The following CCNY variants were observed in gnomAD, a reference collection of about 807,000 sequenced individuals.
CCNY encodes cyclin Y.
CCNY carries 19 observed loss-of-function variants against 42.8 expected under a neutral mutation model. The observed-to-expected ratio is 0.44, with a 90% confidence interval of 0.31 to 0.65. The LOEUF is 0.65. CCNY is among the 30% of genes least tolerant of loss of function. The pLI, the probability that CCNY is intolerant of heterozygous loss-of-function variation, is 0.07. For missense variants in CCNY, 370 were observed against 437.3 expected (o/e 0.85, Z 1.37); for synonymous variants, 165 against 162.7 (o/e 1.01, Z -0.11).
chr10:35,411,377 G>A (rs1326965079), intron 1 of CCNY, among the ~76,000 whole-genome samples: 1 of 152,030 alleles, frequency 6.6e-6, no homozygotes, highest in Non-Finnish European at 1.5e-5. Context: ...GCCAGGCATA[G>A]TGGCGCGTGC....
At chr10:35,490,550 C>T (rs761010170) in intron 2 of CCNY, among the ~76,000 whole-genome samples, 4 of 152,328 alleles carry the variant, frequency 2.6e-5, no homozygotes, top group South Asian at 2.1e-4. Flanking sequence ...CTGCTGCCCT[C>T]GCTGCTCCCC....
intron 1 of CCNY, among the ~76,000 whole-genome samples, chr10:35,477,119 A>G (rs1774352022): frequency 6.6e-6 from 1 of 152,138 alleles, no homozygotes; most frequent in Non-Finnish European, 1.5e-5. Flanking sequence ...GACCAATAAC[A>G]GGATCTGAAA....
intron 1 of CCNY, among the ~76,000 whole-genome samples, chr10:35,342,680 C>G (rs1347056716): frequency 2.0e-5 from 3 of 152,204 alleles, no homozygotes; most frequent in Non-Finnish European, 4.4e-5. Context: ...AACAACCGTG[C>G]TAATTACTTG....
intron 2 of CCNY, among the ~76,000 whole-genome samples, chr10:35,490,578 C>G (rs1168703678): frequency 6.6e-6 from 1 of 152,198 alleles, no homozygotes; most frequent in Non-Finnish European, 1.5e-5. Flanking sequence ...GCTTGGGGGT[C>G]TAACGCCTGA....
intron 1 of CCNY, among the ~76,000 whole-genome samples, chr10:35,453,766 G>T (rs1047529798): frequency 2.0e-5 from 3 of 152,026 alleles, no homozygotes; most frequent in Non-Finnish European, 4.4e-5. Context: ...AAATAGCTGG[G>T]CAATATTTCT....
chr10:35,362,801 C>T (rs1836715819), intron 1 of CCNY, among the ~76,000 whole-genome samples: 1 of 150,584 alleles, frequency 6.6e-6, no homozygotes, highest in Admixed American at 6.6e-5. Flanking sequence ...GCCAGAGGCG[C>T]TCCTCACTCC....
intron 1 of CCNY, among the ~76,000 whole-genome samples, chr10:35,340,512 T>C (rs1266647355): frequency 6.6e-6 from 1 of 151,444 alleles, no homozygotes; most frequent in East Asian, 1.9e-4. Flanking sequence ...TTCTTTTTTT[T>C]TTTTTTTTTT....
At chr10:35,495,350 G>A (rs1456708981) in intron 2 of CCNY, among the ~76,000 whole-genome samples, 1 of 152,126 alleles carries the variant, frequency 6.6e-6, no homozygotes, top group East Asian at 1.9e-4. Flanking sequence ...AAATCCTTTG[G>A]CCTTAGATAT....
chr10:35,357,149 A>T (rs1410752266), intron 1 of CCNY, among the ~76,000 whole-genome samples: 2 of 152,066 alleles, frequency 1.3e-5, no homozygotes, highest in Non-Finnish European at 2.9e-5. Flanking sequence ...CTAAGAACAT[A>T]ATCCAGAGAG....
intron 3 of CCNY, 190 bp downstream of exon 3, chr10:35,501,725 A>AT (rs1840114081): frequency 1.8e-6 from 1 of 543,418 alleles, no homozygotes; most frequent in Non-Finnish European, 3.3e-6. Context: ...TGTCCCAAAT[A>AT]TTTTTCCAGA....
chr10:35,352,490 A>T (rs551135192), intron 1 of CCNY, among the ~76,000 whole-genome samples: 1 of 152,320 alleles, frequency 6.6e-6, no homozygotes, highest in South Asian at 2.1e-4. Flanking sequence ...CAAATATGGT[A>T]GCCTGAGCAG....
At chr10:35,416,610 A>G (rs1838030815) in intron 1 of CCNY, among the ~76,000 whole-genome samples, 2 of 152,252 alleles carry the variant, frequency 1.3e-5, no homozygotes, top group Admixed American at 1.3e-4. Flanking sequence ...TGAAGATACC[A>G]TAGAACAAAA....
chr10:35,347,474 A>G, intron 1 of CCNY: 1 of 972,398 alleles, frequency 1.0e-6, no homozygotes, highest in Non-Finnish European at 1.2e-6. Flanking sequence ...TCTATGTAAT[A>G]TAGCTATATG....
chr10:35,286,897 T>G (rs1247481697), intron 3 of CCNY, among the ~76,000 whole-genome samples: 1 of 152,054 alleles, frequency 6.6e-6, no homozygotes, highest in Non-Finnish European at 1.5e-5. Flanking sequence ...TGGCCTCAAG[T>G]GATCCACCTG....
intron 3 of CCNY, among the ~76,000 whole-genome samples, chr10:35,297,456 C>G (rs913491303): frequency 2.8e-4 from 42 of 152,056 alleles, no homozygotes; most frequent in Admixed American, 2.8e-3. Flanking sequence ...AGACAAGGAA[C>G]CACTCCTATT....
chr10:35,488,296 C>T (rs758933055), intron 2 of CCNY, among the ~76,000 whole-genome samples: 2 of 152,192 alleles, frequency 1.3e-5, no homozygotes, highest in South Asian at 2.1e-4. Context: ...TCATTGGGGT[C>T]GTGTTTTGGT....
At chr10:35,507,986 C>A (rs542355921) in intron 3 of CCNY, among the ~76,000 whole-genome samples, 1 of 152,100 alleles carries the variant, frequency 6.6e-6, no homozygotes, top group African/African-American at 2.4e-5. Flanking sequence ...CAAGGTGCTG[C>A]CTGGATCCTC....
intron 7 of CCNY, among the ~76,000 whole-genome samples, chr10:35,534,406 T>C (rs1487401169): frequency 6.6e-6 from 1 of 152,066 alleles, no homozygotes; most frequent in Non-Finnish European, 1.5e-5. Flanking sequence ...GCATTCCGTG[T>C]GAGGTTAGTT....
intron 3 of CCNY, among the ~76,000 whole-genome samples, chr10:35,325,914 T>TA (rs199557940): frequency 0.013 from 1,954 of 150,788 alleles, 24 homozygotes; most frequent in Middle Eastern, 0.034. Context: ...CGCCATCTCT[T>TA]AAAAAAAAAT....
Sources: gnomAD v4.1 joint callset for allele counts (sites outside exome capture counted in the v4.1 genomes callset) on GRCh38, gnomAD v4.1.1 for gene constraint, MANE v1.5 for transcripts, NCBI Gene and HGNC (gene_info 2026-07-23, HGNC 2026-07-21) for gene names.